Variants in ATP10A observed in about 807,000 individuals in gnomAD.
The protein encoded by ATP10A is ATPase phospholipid transporting 10A (putative).
Under a neutral mutation model 147.8 loss-of-function variants are expected in ATP10A, and 111 were observed. The observed-to-expected ratio is 0.75, with a 90% CI of 0.64 to 0.88. The LOEUF (loss-of-function observed/expected upper bound fraction) is 0.88, where lower values mean the gene tolerates loss of function less well. Among genes scored for constraint, ATP10A ranks in the 40% least tolerant of loss-of-function variants. The pLI, the probability that ATP10A is intolerant of heterozygous loss-of-function variation, is 0.00. For synonymous variants in ATP10A, 875 were observed against 841.6 expected (o/e 1.04, Z -0.69); for missense variants, 1,927 against 1,959.0 (o/e 0.98, Z 0.31).
chr15:25,707,888 G>A, intron 12 of ATP10A, 88 bp downstream of exon 12: 1 of 1,542,270 alleles, frequency 6.5e-7, no homozygotes, highest in Non-Finnish European at 8.8e-7. Flanking sequence ...AGCCTGCGGA[G>A]CAGCCGCTGA....
chr15:25,719,491 G>A (rs1271221432), intron 7 of ATP10A, among the ~76,000 whole-genome samples: 3 of 152,132 alleles, frequency 2.0e-5, no homozygotes, highest in African/African-American at 7.2e-5. Flanking sequence ...CACAGAACCT[G>A]GACACATGAC....
intron 2 of ATP10A, among the ~76,000 whole-genome samples, chr15:25,769,092 G>A (rs1224564500): frequency 6.6e-6 from 1 of 152,032 alleles, no homozygotes; most frequent in Non-Finnish European, 1.5e-5. Context: ...ATGCACACGC[G>A]CTCCAATACT....
intron 3 of ATP10A, among the ~76,000 whole-genome samples, chr15:25,731,041 G>A (rs1157188562): frequency 6.6e-6 from 1 of 152,208 alleles, no homozygotes. Context: ...GCAGGAGGGG[G>A]CAGGGACCCT....
At chr15:25,690,416 T>A (rs1246145460) in intron 15 of ATP10A, among the ~76,000 whole-genome samples, 6 of 152,256 alleles carry the variant, frequency 3.9e-5, no homozygotes, top group Admixed American at 3.3e-4. Flanking sequence ...GGTTTTTGCA[T>A]TTTTAGTAGA....
intron 2 of ATP10A, among the ~76,000 whole-genome samples, chr15:25,746,561 C>T (rs1215362658): frequency 6.6e-6 from 1 of 152,190 alleles, no homozygotes; most frequent in African/African-American, 2.4e-5. Context: ...TCACACAACA[C>T]TGACAAGTAC....
intron 1 of ATP10A, among the ~76,000 whole-genome samples, chr15:25,810,013 C>CA (rs56870055): frequency 0.47 from 64,850 of 139,132 alleles, 15,603 homozygotes; most frequent in Admixed American, 0.55. Context: ...AAGGTCATTA[C>CA]AAAAAAAAAA....
intron 2 of ATP10A, among the ~76,000 whole-genome samples, chr15:25,771,654 A>G (rs905511573): frequency 8.5e-5 from 13 of 152,140 alleles, no homozygotes; most frequent in African/African-American, 3.1e-4. Flanking sequence ...GAAGTCTCAC[A>G]GGAAAGTGAC....
At chr15:25,777,546 T>C (rs572845505) in intron 2 of ATP10A, among the ~76,000 whole-genome samples, 1 of 152,114 alleles carries the variant, frequency 6.6e-6, no homozygotes, top group South Asian at 2.1e-4. Flanking sequence ...CTTCCCTGAG[T>C]GGGAGAACTC....
chr15:25,691,647 C>T (rs1900040329), intron 15 of ATP10A, 68 bp downstream of exon 15: 1 of 1,537,022 alleles, frequency 6.5e-7, no homozygotes, highest in South Asian at 1.1e-5. Flanking sequence ...GGGGACAGCC[C>T]ACAGGGTGAC....
intron 1 of ATP10A, among the ~76,000 whole-genome samples, 199 bp from the exon 2 acceptor site, chr15:25,781,422 C>T (rs182000235): frequency 3.4e-4 from 51 of 152,030 alleles, no homozygotes; most frequent in African/African-American, 1.1e-3. Flanking sequence ...TTTGAGAGAC[C>T]GAGGCGGGCA....
chr15:25,811,309 GA>G (rs1402822453), intron 1 of ATP10A, among the ~76,000 whole-genome samples: 1 of 152,200 alleles, frequency 6.6e-6, no homozygotes. Flanking sequence ...GAGGAGGACA[GA>G]GGCAAACTTT....
chr15:25,673,327 C>G (rs565891941), downstream of ATP10A, among the ~76,000 whole-genome samples: 1 of 152,178 alleles, frequency 6.6e-6, no homozygotes, highest in Non-Finnish European at 1.5e-5. Context: ...TTCAAACAAG[C>G]GTCGAGGAGA....
intron 15 of ATP10A, among the ~76,000 whole-genome samples, chr15:25,688,414 G>A (rs759978066): frequency 7.9e-5 from 12 of 152,176 alleles, no homozygotes; most frequent in Non-Finnish European, 1.3e-4. Flanking sequence ...AGGAGGGAGT[G>A]GAGAAGACGT....
intron 15 of ATP10A, 91 bp downstream of exon 15, chr15:25,691,624 C>A: frequency 1.5e-6 from 2 of 1,308,826 alleles, no homozygotes; most frequent in Non-Finnish European, 2.2e-6. Context: ...TTCAGTAGAG[C>A]CCAGAGGAAG....
intron 12 of ATP10A, among the ~76,000 whole-genome samples, chr15:25,704,940 T>C (rs1212057316): frequency 6.6e-6 from 1 of 152,106 alleles, no homozygotes; most frequent in East Asian, 1.9e-4. Context: ...CACACAGCTT[T>C]GAATGGGAGG....
upstream of ATP10A, among the ~76,000 whole-genome samples, chr15:25,864,429 A>G (rs1442910891): frequency 6.6e-6 from 1 of 152,148 alleles, no homozygotes; most frequent in Non-Finnish European, 1.5e-5. Context: ...GGTGCCTGCT[A>G]ACAAGGCACT....
chr15:25,850,445 G>T (rs1443828000), intron 1 of ATP10A, among the ~76,000 whole-genome samples: 2 of 152,160 alleles, frequency 1.3e-5, no homozygotes, highest in Non-Finnish European at 2.9e-5. Flanking sequence ...GAGAGGCCCC[G>T]GCTGTGTCTG....
chr15:25,759,061 G>A (rs1463179812), intron 2 of ATP10A, among the ~76,000 whole-genome samples: 1 of 152,230 alleles, frequency 6.6e-6, no homozygotes, highest in Non-Finnish European at 1.5e-5. Flanking sequence ...AGCACCAGGG[G>A]CCACGTGCGT....
At chr15:25,774,654 T>C (rs1889519558) in intron 2 of ATP10A, among the ~76,000 whole-genome samples, 1 of 151,360 alleles carries the variant, frequency 6.6e-6, no homozygotes, top group Non-Finnish European at 1.5e-5. Context: ...GACTATAAAT[T>C]AAAGGCAAAG....
Sources: allele counts gnomAD v4.1 joint callset (sites outside exome capture counted in the v4.1 genomes callset), GRCh38; gene constraint gnomAD v4.1.1; transcripts MANE v1.5; gene names NCBI Gene and HGNC (gene_info 2026-07-23, HGNC 2026-07-21).